The following GABRG3 variants were observed in gnomAD, a reference collection of about 807,000 sequenced individuals.
GABRG3 encodes the protein gamma-aminobutyric acid receptor subunit gamma-3.
In GABRG3, 25 loss-of-function variants were observed where a neutral mutation model predicts 48.8. The observed-to-expected ratio is 0.51, with a 90% CI of 0.37 to 0.72. GABRG3 has a LOEUF of 0.72. Among genes scored for constraint, GABRG3 ranks in the 30% least tolerant of loss-of-function variants. GABRG3 has a pLI of 0.00. For missense variants in GABRG3, 394 were observed against 577.9 expected, an observed-to-expected ratio of 0.68 and a Z score of 3.26; for synonymous variants, 227 against 217.6, an observed-to-expected ratio of 1.04 and a Z score of -0.38.
At chr15:27,165,343 G>T (rs1887338549) in intron 3 of GABRG3, among the ~76,000 whole-genome samples, 1 of 152,130 alleles carries the variant, frequency 6.6e-6, no homozygotes, top group South Asian at 2.1e-4. Context: ...TCCCCACCAA[G>T]CACACAATGA....
intron 3 of GABRG3, among the ~76,000 whole-genome samples, chr15:27,133,818 G>A (rs181877779): frequency 1.4e-4 from 22 of 152,258 alleles, no homozygotes; most frequent in Admixed American, 3.3e-4. Context: ...ATTTTTGTTG[G>A]TGTAAATGTC....
intron 5 of GABRG3, among the ~76,000 whole-genome samples, chr15:27,395,178 T>A (rs550095171): frequency 1.5e-4 from 23 of 152,322 alleles, no homozygotes; most frequent in Non-Finnish European, 1.5e-5. Context: ...AGACTGGTAA[T>A]CTCAATTGAC....
intron 5 of GABRG3, among the ~76,000 whole-genome samples, chr15:27,388,097 A>T (rs1263596111): frequency 1.5e-4 from 3 of 20,184 alleles, no homozygotes; most frequent in South Asian, 2.1e-3. Context: ...GAGGGAGGAA[A>T]GGGAGGGAGG....
intron 3 of GABRG3, among the ~76,000 whole-genome samples, chr15:27,295,917 C>G (rs972405394): frequency 9.9e-5 from 15 of 152,202 alleles, no homozygotes; most frequent in African/African-American, 3.6e-4. Flanking sequence ...TCTCTCTGCT[C>G]TATGAGCTGG....
At chr15:27,122,680 G>C (rs991100408) in intron 3 of GABRG3, among the ~76,000 whole-genome samples, 6 of 152,226 alleles carry the variant, frequency 3.9e-5, no homozygotes, top group South Asian at 2.1e-4. Context: ...TGCTCGCAAG[G>C]CTGGGCTGGC....
intron 3 of GABRG3, among the ~76,000 whole-genome samples, chr15:27,073,921 A>G (rs1896867820): frequency 6.6e-6 from 1 of 152,164 alleles, no homozygotes; most frequent in Non-Finnish European, 1.5e-5. Context: ...GTTTGTTTTC[A>G]TGCTGCTTAT....
At position 27,530,593 on chromosome 15, in the gene GABRG3, T is replaced by C. The variant is rs374704487; in HGVS notation, c.1123-2007T>C. The C allele has an allele frequency of 3.4e-5, 16 of 470,896 alleles. No individual in the cohort carries two copies. In the East Asian group the frequency reaches 4.9e-4, roughly 14 times the overall value. 29.2% of individuals were successfully genotyped at this position (470,896 alleles called of 1,614,324 possible). On this transcript the variant is annotated intron_variant, in intron 9 of 9. Coordinates refer to ENST00000615808, the MANE Select transcript of GABRG3 (RefSeq NM_033223.5). Reference sequence around the variant, plus strand: ...TTTTGGCTCCCTAAATGAAGTGAAATGGAGGTTTCTCTTGCTCCAGAAGCC... The same window carrying C: ...TTTTGGCTCCCTAAATGAAGTGAAACGGAGGTTTCTCTTGCTCCAGAAGCC...
chr15:27,137,032 C>CA (rs1031554820), intron 3 of GABRG3, among the ~76,000 whole-genome samples: 4 of 152,214 alleles, frequency 2.6e-5, no homozygotes, highest in African/African-American at 9.6e-5. Flanking sequence ...CTCGCCGCTC[C>CA]AGCCCAGCAT....
chr15:27,410,200 T>G (rs930091864), intron 5 of GABRG3, among the ~76,000 whole-genome samples: 7 of 152,366 alleles, frequency 4.6e-5, no homozygotes, highest in Non-Finnish European at 7.3e-5. Context: ...TAGTCTATTG[T>G]TACGGTGGAT....
At chr15:27,088,245 C>CGGGGCGGGCACG (rs1555402695) in intron 3 of GABRG3, among the ~76,000 whole-genome samples, 46 of 107,924 alleles carry the variant, frequency 4.3e-4, no homozygotes, top group African/African-American at 1.3e-3. Context: ...TGGGAGTGCT[C>CGGGGCGGGCACG]GGGGCGGGCG....
chr15:27,504,843 C>T (rs969939151), intron 6 of GABRG3, among the ~76,000 whole-genome samples: 2 of 152,072 alleles, frequency 1.3e-5, no homozygotes, highest in African/African-American at 2.4e-5. Flanking sequence ...TGAGTATAAG[C>T]TTACAAGTTA....
chr15:27,113,193 C>T (rs535914352), intron 3 of GABRG3, among the ~76,000 whole-genome samples: 1 of 151,748 alleles, frequency 6.6e-6, no homozygotes, highest in African/African-American at 2.4e-5. Flanking sequence ...GAACTTGTCT[C>T]TTGACTGCAA....
intron 5 of GABRG3, among the ~76,000 whole-genome samples, chr15:27,448,783 A>ACATGTGTG (rs1304885901): frequency 6.6e-6 from 1 of 152,198 alleles, no homozygotes; most frequent in Non-Finnish European, 1.5e-5. Flanking sequence ...CCATGCCTGT[A>ACATGTGTG]CATGTGTGCA....
intron 3 of GABRG3, among the ~76,000 whole-genome samples, chr15:27,237,173 A>G (rs1890000216): frequency 6.6e-6 from 1 of 152,238 alleles, no homozygotes; most frequent in African/African-American, 2.4e-5. Flanking sequence ...CTTCAGACAT[A>G]TTTATCACTT....
chr15:27,525,114 C>T lies in GABRG3; in HGVS notation c.866-2319C>T, dbSNP rs111340898. ...ACCCAAACCATGAAATACTACTCAG[C>T]AGTAGGAAAGAACAAACTATCGATG... On this transcript the variant is annotated intron_variant, in intron 7 of 9. Transcript: ENST00000615808. 5.8e-3 allele frequency among the ~76,000 whole-genome samples: 881 copies of T among 151,426 alleles called. 7 individuals are homozygous for T. Among genetic ancestry groups the T allele is most frequent in the African/African-American group, 0.019 (790 of 41,152 alleles).
rs191996701 is a variant in GABRG3, at chr15:26,987,918, C to G, written c.202+10768C>G. ...TTTCCTTTTTGATTTCTTCTTTGACCAATGTAGTATTTAGTGTGGTATTTA... is the reference window on the plus strand; with the variant it reads ...TTTCCTTTTTGATTTCTTCTTTGACGAATGTAGTATTTAGTGTGGTATTTA... On this transcript the variant is annotated intron_variant, in intron 2 of 9. Coordinates refer to ENST00000615808, the MANE Select transcript of GABRG3 (RefSeq NM_033223.5). 1.2e-3 allele frequency among the ~76,000 whole-genome samples: 181 copies of G among 152,098 alleles called. 1 individual carries two copies. The highest frequency in any genetic ancestry group is 4.3e-3 in the African/African-American group (178 of 41,474).
intron 3 of GABRG3, among the ~76,000 whole-genome samples, chr15:27,256,090 A>T (rs1001690070): frequency 4.6e-5 from 7 of 152,138 alleles, no homozygotes; most frequent in African/African-American, 1.4e-4. Context: ...GCCCAATCCA[A>T]TCACCAGGGT....
intron 3 of GABRG3, chr15:27,208,264 T>A: frequency 5.6e-6 from 1 of 179,170 alleles, no homozygotes; most frequent in Non-Finnish European, 1.2e-5. Flanking sequence ...GGCTGTAACC[T>A]TCCCAGCACT....
At chr15:27,486,477 ATATG>A (rs1281709303) in intron 6 of GABRG3, among the ~76,000 whole-genome samples, 2 of 152,204 alleles carry the variant, frequency 1.3e-5, no homozygotes, top group African/African-American at 2.4e-5. Flanking sequence ...AGTATTCTAT[ATATG>A]AAGTTTTTGA....
Sources: allele counts gnomAD v4.1 joint callset (sites outside exome capture counted in the v4.1 genomes callset), GRCh38; gene constraint gnomAD v4.1.1; transcripts MANE v1.5; gene names NCBI Gene and HGNC (gene_info 2026-07-23, HGNC 2026-07-21).